The following BCAT1 variants were observed in gnomAD, a reference collection of about 807,000 sequenced individuals.
BCAT1 encodes branched-chain-amino-acid aminotransferase, cytosolic.
Under a neutral mutation model 52.4 loss-of-function variants are expected in BCAT1, and 48 were observed. The ratio of observed to expected loss-of-function variants is 0.92; its 90% confidence interval spans 0.73 to 1.16. The LOEUF (loss-of-function observed/expected upper bound fraction) is 1.16. Among genes scored for constraint, BCAT1 ranks in the 50% most tolerant of loss-of-function variants. The pLI, the probability that BCAT1 is intolerant of heterozygous loss-of-function variation, is 0.00. For synonymous variants in BCAT1, 167 were observed against 161.3 expected (o/e 1.04, Z -0.27); for missense variants, 451 against 457.1 (o/e 0.99, Z 0.12).
chr12:24,851,197 G>A (rs535090865), intron 5 of BCAT1, among the ~76,000 whole-genome samples: 132 of 152,240 alleles, frequency 8.7e-4, no homozygotes, highest in African/African-American at 2.9e-3. Context: ...TAAGAGCTTC[G>A]GGATATAAAC....
Position 24,849,925 on chromosome 12 carries a change from T to C in BCAT1, c.535A>G (p.Thr179Ala). 6.2e-7 allele frequency: 1 copy of C among 1,611,832 alleles called. No individual in the cohort carries two copies. ...AAGAGTACAAAGAGCAGGGCTTTGG[T>C]AGGCTTCTTGACTCCAAGAGAAGGC... ...TEPSLGVKKP[T>A]KALLFVLLSP... Residue 179 changes from threonine (T) to alanine (A), a missense_variant, in exon 6 of 11, where the codon ACC (threonine) becomes GCC (alanine). Thr to Ala is a moderately conservative substitution (Grantham distance 58). Coordinates refer to ENST00000261192, the MANE Select transcript of BCAT1 (RefSeq NM_005504.7).
chr12:24,914,771 T>C lies in BCAT1; in HGVS notation c.7-12886A>G, dbSNP rs573149273. On this transcript the variant is annotated intron_variant, in intron 1 of 10. Coordinates refer to ENST00000261192, the MANE Select transcript of BCAT1 (RefSeq NM_005504.7). ...GTCATTATTTCTTCCAAAGTTTATA[T>C]CAAGTTGTCTAGCTAAAGCCTGCAG... Among the ~76,000 whole-genome samples the C allele has an allele frequency of 2.6e-5, 4 of 152,306 alleles. No individual in the cohort carries two copies. The East Asian group carries it at 5.8e-4, about 22-fold the overall frequency.
chr12:24,821,990 A>G (rs1318864881), intron 10 of BCAT1, among the ~76,000 whole-genome samples: 1 of 152,190 alleles, frequency 6.6e-6, no homozygotes, highest in African/African-American at 2.4e-5. Context: ...CAGAGAGCAG[A>G]ACACAACTGC....
At chr12:24,850,922 C>A (rs967844924) in intron 5 of BCAT1, among the ~76,000 whole-genome samples, 4 of 152,058 alleles carry the variant, frequency 2.6e-5, no homozygotes, top group African/African-American at 9.7e-5. Context: ...TTCAAAAAAA[C>A]AGGGAATGAA....
At chr12:24,877,999 T>C (rs962628017) in intron 5 of BCAT1, among the ~76,000 whole-genome samples, 9 of 151,976 alleles carry the variant, frequency 5.9e-5, no homozygotes. Context: ...ACAAAAAATT[T>C]AAAAATTAGC....
rs11047680 is a variant in BCAT1 at position 24,852,409 on chromosome 12, G to A, written c.511-2460C>T. On this transcript the variant is annotated intron_variant, in intron 5 of 10. Transcript: ENST00000261192. Reference sequence around the variant, plus strand: ...TTTCTGAATAGAATAGCTTATTTGTGGACAAACTAATAGCATTTTAATAGC... The same window carrying A: ...TTTCTGAATAGAATAGCTTATTTGTAGACAAACTAATAGCATTTTAATAGC... Among the ~76,000 whole-genome samples the A allele has an allele frequency of 8.8e-3, 1,196 of 135,254 alleles. 7 individuals carry two copies. Among genetic ancestry groups the A allele is most frequent in the Middle Eastern group, 0.023 (6 of 264 alleles). 88.7% of individuals were successfully genotyped at this position (135,254 alleles called of 152,430 possible).
intron 10 of BCAT1, among the ~76,000 whole-genome samples, chr12:24,823,475 A>T (rs9988971): frequency 0.85 from 128,657 of 152,152 alleles, 54,497 homozygotes; most frequent in Admixed American, 0.88. Flanking sequence ...AAAGAGTTAA[A>T]CAAGAACATT....
intron 5 of BCAT1, among the ~76,000 whole-genome samples, chr12:24,851,089 C>A (rs187642197): frequency 1.3e-5 from 2 of 152,178 alleles, no homozygotes; most frequent in South Asian, 4.1e-4. Flanking sequence ...AGAGACCCAA[C>A]GTTTTGAAGG....
At chr12:24,822,908 T>G (rs1268020388) in intron 10 of BCAT1, among the ~76,000 whole-genome samples, 1 of 152,188 alleles carries the variant, frequency 6.6e-6, no homozygotes, top group East Asian at 1.9e-4. Flanking sequence ...CACTAATTTA[T>G]AGAGGGAGTA....
At chr12:24,865,473 A>G (rs1941979354) in intron 5 of BCAT1, among the ~76,000 whole-genome samples, 1 of 152,238 alleles carries the variant, frequency 6.6e-6, no homozygotes, top group Admixed American at 6.5e-5. Context: ...AATTTCTTGA[A>G]GAAAACCTAC....
At position 24,813,171 on chromosome 12, in the gene BCAT1, T is replaced by C. The variant is rs1939746662; in HGVS notation, c.*4837A>G. ...AATTATTTACCCACAAACACTACTA[T>C]AACTACTATACTCTGTTGATATGTT... is the stretch of plus-strand genomic sequence containing the variant. On this transcript the variant is annotated 3_prime_UTR_variant, in exon 11 of 11. Transcript: ENST00000261192. 1.3e-5 allele frequency: 2 copies of C among 152,158 alleles called. No homozygotes were observed. The highest frequency in any genetic ancestry group is 4.1e-4 in the South Asian group (2 of 4,828). The allele number at this position is 152,158 out of a possible 1,614,324, so 9.4% of individuals were successfully genotyped here.
chr12:24,942,402 A>G (rs1016315162), intron 1 of BCAT1, among the ~76,000 whole-genome samples: 2 of 152,026 alleles, frequency 1.3e-5, no homozygotes, highest in African/African-American at 4.8e-5. Flanking sequence ...TACAAAGCCA[A>G]GCGTGGTCGT....
Position 24,886,832 on chromosome 12 carries a change from T to TA in BCAT1, c.280-5422dup, listed in dbSNP as rs1216608757. Among the ~76,000 whole-genome samples, 244 of 121,580 alleles carry TA rather than the reference T, an allele frequency of 2.0e-3. 3 individuals carry two copies. The highest frequency in any genetic ancestry group is 0.013 in the East Asian group (54 of 4,162). The allele number at this position is 121,580 out of a possible 152,430, so 79.8% of individuals were successfully genotyped here. A position where few individuals can be genotyped will look rare whatever the true frequency, so the allele number is the denominator to read the frequency against. Reference sequence around the variant, plus strand: ...GGCAACATAGTAAGACCCTGTCTCTTAAAAAAAAAAAAAAAAGAGGCCGGG... The same window carrying TA: ...GGCAACATAGTAAGACCCTGTCTCTTAAAAAAAAAAAAAAAAAGAGGCCGGG... On this transcript the variant is annotated intron_variant, in intron 3 of 10. Transcript: ENST00000261192.
At chr12:24,844,894 C>CAAGAAAAA (rs1491324252) in intron 6 of BCAT1, among the ~76,000 whole-genome samples, 2 of 36,000 alleles carry the variant, frequency 5.6e-5, no homozygotes, top group African/African-American at 2.1e-4. Context: ...GAGACTGTCT[C>CAAGAAAAA]AAAAAAAAAA....
intron 4 of BCAT1, among the ~76,000 whole-genome samples, chr12:24,880,390 G>T (rs1443565623): frequency 2.0e-5 from 3 of 152,190 alleles, no homozygotes; most frequent in Non-Finnish European, 4.4e-5. Flanking sequence ...CCCGGAGGTG[G>T]AGGTTGTAGT....
chr12:24,852,044 AGAGT>A lies in BCAT1; in HGVS notation c.511-2099_511-2096del, dbSNP rs563410404. On this transcript the variant is annotated intron_variant, in intron 5 of 10. Transcript: ENST00000261192. Reference sequence around the variant, plus strand: ...GAATTTCCTCCCTGCTGTGCTTGTGAGAGTGAGTGAGTTCTCCTGAGATCTGATG... The same window carrying A: ...GAATTTCCTCCCTGCTGTGCTTGTGAGAGTGAGTTCTCCTGAGATCTGATG... Among the ~76,000 whole-genome samples, 328 of 152,106 alleles carry A rather than the reference AGAGT, an allele frequency of 2.2e-3. 1 individual carries two copies. The highest frequency in any genetic ancestry group is 7.4e-3 in the African/African-American group (307 of 41,490).
At chr12:24,828,776 C>T (rs534163497) in intron 10 of BCAT1, among the ~76,000 whole-genome samples, 5 of 152,142 alleles carry the variant, frequency 3.3e-5, no homozygotes, top group East Asian at 1.9e-4. Flanking sequence ...GAAGCCAAGG[C>T]GGGTGGATCA....
intron 1 of BCAT1, among the ~76,000 whole-genome samples, chr12:24,905,763 T>C (rs9804952): frequency 0.1 from 15,848 of 151,794 alleles, 963 homozygotes; most frequent in Middle Eastern, 0.16. Flanking sequence ...AGAGAAACCA[T>C]TGAAAGGTTA....
intron 1 of BCAT1, among the ~76,000 whole-genome samples, chr12:24,936,926 T>C (rs549472669): frequency 1.1e-4 from 17 of 152,180 alleles, no homozygotes; most frequent in Middle Eastern, 3.4e-3. Flanking sequence ...AAAATCCCTT[T>C]TACCATGAAA....
Sources: gnomAD v4.1 joint callset for allele counts (sites outside exome capture counted in the v4.1 genomes callset) on GRCh38, gnomAD v4.1.1 for gene constraint, MANE v1.5 for transcripts, NCBI Gene and HGNC (gene_info 2026-07-23, HGNC 2026-07-21) for gene names.